Variants in PDE6B observed in about 807,000 individuals in gnomAD.
PDE6B encodes phosphodiesterase 6B.
Under a neutral mutation model 109.0 loss-of-function variants are expected in PDE6B, and 106 were observed. The observed-to-expected ratio is 0.97, with a 90% CI of 0.83 to 1.14. The LOEUF (loss-of-function observed/expected upper bound fraction) is 1.14. PDE6B is among the 50% of genes most tolerant of loss of function. PDE6B has a pLI of 0.00. For missense variants in PDE6B, 1,193 were observed against 1,155.6 expected (o/e 1.03, Z -0.47); for synonymous variants, 490 against 471.3 (o/e 1.04, Z -0.51).
chr4:661,041 T>TGGGTGGGCCATGGTAGTTGGATGGTTG (rs1737038905), intron 12 of PDE6B, among the ~76,000 whole-genome samples: 1 of 152,252 alleles, frequency 6.6e-6, no homozygotes, highest in African/African-American at 2.4e-5. Flanking sequence ...GATGGATGGG[T>TGGGTGGGCCATGGTAGTTGGATGGTTG]GAGTGGGCCA....
rs1736696606 is a variant in PDE6B, at chr4:658,948, G to A, written c.1402-4G>A. ...TCTCGTGACACATCTGTGTCTCTGT[G>A]TAGCCAACCAGAGCGCGCCTGGGGA... On this transcript the variant is annotated splice_region_variant and splice_polypyrimidine_tract_variant and intron_variant, in intron 10 of 21. Transcript: ENST00000496514. 1 of 1,610,046 alleles carries A rather than the reference G, an allele frequency of 6.2e-7. No individual in the cohort carries two copies. The highest frequency in any genetic ancestry group is 1.3e-5 in the African/African-American group (1 of 74,966).
intron 1 of PDE6B, among the ~76,000 whole-genome samples, chr4:630,996 C>A (rs1232989365): frequency 6.6e-6 from 1 of 152,192 alleles, no homozygotes; most frequent in Admixed American, 6.5e-5. Context: ...GAGCCAGGTG[C>A]CTGCTGAGAC....
At chr4:661,920 T>A in intron 12 of PDE6B, 1 of 597,056 alleles carries the variant, frequency 1.7e-6, no homozygotes, top group Non-Finnish European at 3.0e-6. Context: ...CCTACCTGGC[T>A]CCACCCCATA....
chr4:667,783 C>G, intron 20 of PDE6B, 73 bp from the exon 21 acceptor site: 1 of 1,506,596 alleles, frequency 6.6e-7, no homozygotes, highest in Non-Finnish European at 9.2e-7. Context: ...GGGGGATGAG[C>G]TGGGGAAGGG....
chr4:669,477 G>C (rs1350411040), intron 21 of PDE6B, among the ~76,000 whole-genome samples: 10 of 65,786 alleles, frequency 1.5e-4, no homozygotes, highest in Admixed American at 3.8e-4. Context: ...TTCCCACTAC[G>C]CCATGCTATT....
chr4:660,727 G>A, intron 12 of PDE6B, 114 bp downstream of exon 12: 1 of 892,336 alleles, frequency 1.1e-6, no homozygotes, highest in Non-Finnish European at 1.8e-6. Context: ...GGGATTGGGG[G>A]TTCCAGATCC....
intron 3 of PDE6B, among the ~76,000 whole-genome samples, chr4:638,071 C>T (rs35694609): frequency 6.6e-6 from 1 of 152,160 alleles, no homozygotes; most frequent in Non-Finnish European, 1.5e-5. Context: ...TTCCTTCCTG[C>T]CAGTGACGAG....
At chr4:654,637 G>A (rs546167651) in intron 5 of PDE6B, 187 bp from the exon 6 acceptor site, 427 of 674,410 alleles carry the variant, frequency 6.3e-4, no homozygotes, top group Non-Finnish European at 9.8e-4. Context: ...GGGTGTGAGT[G>A]CACCCGCATT....
chr4:657,068 G>C, intron 9 of PDE6B, 45 bp downstream of exon 9: 2 of 1,592,978 alleles, frequency 1.3e-6, no homozygotes, highest in East Asian at 2.2e-5. Context: ...TGCCCTGCGA[G>C]GGGTGGGGCC....
rs567549193 is a variant in PDE6B at position 626,777 on chromosome 4, A to G, written c.468+683A>G. On this transcript the variant is annotated intron_variant, in intron 1 of 21. Transcript: ENST00000496514. The surrounding 1 kb of genome is among the most constrained non-coding windows in gnomAD (Gnocchi z 4.6). ...GGCCTGTTCATGCAAAGCCTGGGCT[A>G]GGGCAGACGCTTCCCGAGGACAGAG... is the stretch of plus-strand genomic sequence containing the variant. Among the ~76,000 whole-genome samples, 1 of 152,330 alleles carries G rather than the reference A, an allele frequency of 6.6e-6. No homozygotes were observed. Among genetic ancestry groups the G allele is most frequent in the Non-Finnish European group, 1.5e-5 (1 of 68,016 alleles).
chr4:635,960 C>T lies in PDE6B; in HGVS notation c.702C>T (p.Arg234=), dbSNP rs554692149. 4 of 1,600,714 alleles carry T rather than the reference C, an allele frequency of 2.5e-6. No homozygotes were observed. In the African/African-American group the frequency reaches 4.0e-5, roughly 16 times the overall value. ...GCTACCTCCACAACTGCGAGACGCG[C>T]CGCGGCCAGGTACCCACACGCTGAG... is the stretch of plus-strand genomic sequence containing the variant. The part of the protein sequence containing the change: ...HLSYLHNCET[R]RGQVLLWSAN... Residue 234 remains arginine (R), a synonymous_variant, in exon 3 of 22, where the codon CGC becomes CGT. Transcript: ENST00000496514.
rs111329498 is a variant in PDE6B at position 665,197 on chromosome 4, C to G, written c.2194-58C>G. On this transcript the variant is annotated intron_variant, in intron 18 of 21. Transcript: ENST00000496514. This position sits in a 1 kb window ranked among gnomAD's most constrained non-coding sequence, Gnocchi z 4.0. ...AGGCTCGGAGCCTCACGGGGCGGGC[C>G]CGGGCCCTTCCGCGTGGGCTCAGAG... is the stretch of plus-strand genomic sequence containing the variant. 3.0e-6 allele frequency: 4 copies of G among 1,312,168 alleles called. No individual in the cohort carries two copies. In the African/African-American group the frequency reaches 4.3e-5, roughly 14 times the overall value. The allele number at this position is 1,312,168 out of a possible 1,614,324, so 81.3% of individuals were successfully genotyped here.
In PDE6B at chr4:649,561, C is replaced by T. The variant is rs1217066747; in HGVS notation, c.712-4291C>T. 7.9e-5 allele frequency among the ~76,000 whole-genome samples: 12 copies of T among 152,142 alleles called. No homozygotes were observed. The East Asian group carries it at 2.2e-3, about 27-fold the overall frequency. On this transcript the variant is annotated intron_variant, in intron 3 of 21. Transcript: ENST00000496514. ...GATTCCCCAGGCACTCGCTGGGGTC[C>T]CTTATGCTGACCACAGCCTGGGAAG...
chr4:654,577 G>A (rs968642979), intron 5 of PDE6B: 5 of 619,362 alleles, frequency 8.1e-6, no homozygotes, highest in Non-Finnish European at 1.5e-5. Context: ...CGTGAGTATT[G>A]GGGACGGTCT....
At position 633,416 on chromosome 4, in the gene PDE6B, G is replaced by A. The variant is rs1383156893; in HGVS notation, c.469-1261G>A. On this transcript the variant is annotated intron_variant, in intron 1 of 21. Transcript: ENST00000496514. This position sits in a 1 kb window ranked among gnomAD's most constrained non-coding sequence, Gnocchi z 4.5. ...AGAATCAGGAAATGAGGAGCAGGAA[G>A]GGTGGGTGCCATTTAGGAGCACGCT... Among the ~76,000 whole-genome samples the A allele has an allele frequency of 6.6e-6, 1 of 152,328 alleles. No homozygotes were observed. Among genetic ancestry groups the A allele is most frequent in the African/African-American group, 2.4e-5 (1 of 41,570 alleles).
chr4:637,690 C>G (rs1014943439), intron 3 of PDE6B, among the ~76,000 whole-genome samples: 9 of 152,266 alleles, frequency 5.9e-5, no homozygotes, highest in Non-Finnish European at 1.3e-4. Flanking sequence ...TCCAGGCCCT[C>G]TCGTCCGGCA....
At position 633,327 on chromosome 4, in the gene PDE6B, C is replaced by T. The variant is rs1734483464; in HGVS notation, c.469-1350C>T. On this transcript the variant is annotated intron_variant, in intron 1 of 21. Coordinates refer to ENST00000496514, the MANE Select transcript of PDE6B (RefSeq NM_000283.4). This position sits in a 1 kb window ranked among gnomAD's most constrained non-coding sequence, Gnocchi z 4.5. ...CTCACCCGTCTTCCTGCTCCACCAT[C>T]TTTTAAATGCTGGTTTTCCTTCAAT... Among the ~76,000 whole-genome samples the T allele has an allele frequency of 6.6e-6, 1 of 152,224 alleles. No homozygotes were observed. Among genetic ancestry groups the T allele is most frequent in the Admixed American group, 6.5e-5 (1 of 15,286 alleles).
intron 1 of PDE6B, among the ~76,000 whole-genome samples, chr4:634,071 G>A (rs1297807184): frequency 6.6e-6 from 1 of 151,938 alleles, no homozygotes; most frequent in Non-Finnish European, 1.5e-5. Context: ...CAGACCCCAG[G>A]GGGCAGACCC....
At chr4:631,822 C>T (rs13116523) in intron 1 of PDE6B, among the ~76,000 whole-genome samples, 4,416 of 148,840 alleles carry the variant, frequency 0.03, 64 homozygotes, top group Middle Eastern at 0.047. Flanking sequence ...ATGAGGGTCA[C>T]GTTGTGTGGG....
Sources: gnomAD v4.1 joint callset for allele counts (sites outside exome capture counted in the v4.1 genomes callset) on GRCh38, gnomAD v4.1.1 for gene constraint, Gnocchi (gnomAD v3.1) non-coding constraint, MANE v1.5 for transcripts, NCBI Gene and HGNC (gene_info 2026-07-23, HGNC 2026-07-21) for gene names.